The following PHACTR1 variants were observed in gnomAD, a reference collection of about 807,000 sequenced individuals.
PHACTR1 encodes phosphatase and actin regulator 1, also known as RPEL repeat containing 1.
PHACTR1 carries 16 observed loss-of-function variants against 69.2 expected under a neutral mutation model. The ratio of observed to expected loss-of-function variants is 0.23; its 90% CI spans 0.16 to 0.35. The LOEUF (loss-of-function observed/expected upper bound fraction) is 0.35. PHACTR1 is among the 10% of genes least tolerant of loss of function. PHACTR1 has a pLI of 1.00. For synonymous variants in PHACTR1, 312 were observed against 284.5 expected (o/e 1.10, Z -0.97); for missense variants, 510 against 734.7 (o/e 0.69, Z 3.54).
chr6:12,749,052 C>T (rs1485233806), intron 3 of PHACTR1, among the ~76,000 whole-genome samples: 1 of 152,232 alleles, frequency 6.6e-6, no homozygotes, highest in Non-Finnish European at 1.5e-5. Context: ...GCACAATGCC[C>T]TCCTCCATGA....
At chr6:13,217,662 G>A (rs1767893502) in intron 8 of PHACTR1, among the ~76,000 whole-genome samples, 2 of 152,004 alleles carry the variant, frequency 1.3e-5, no homozygotes, top group Non-Finnish European at 2.9e-5. Flanking sequence ...GGAAGGCTCA[G>A]TACCCTCGTC....
intron 7 of PHACTR1, among the ~76,000 whole-genome samples, chr6:13,190,023 C>CTTTT (rs56040224): frequency 8.1e-6 from 1 of 123,840 alleles, no homozygotes; most frequent in Non-Finnish European, 1.6e-5. Flanking sequence ...ATCTCTTCTG[C>CTTTT]TTTTTTTTTT....
intron 8 of PHACTR1, among the ~76,000 whole-genome samples, chr6:13,221,222 C>G (rs1768559911): frequency 6.6e-6 from 1 of 152,040 alleles, no homozygotes; most frequent in Non-Finnish European, 1.5e-5. Flanking sequence ...GGCAAGTGGT[C>G]TGATATGGCT....
chr6:13,008,065 T>C (rs1799020337), intron 4 of PHACTR1, among the ~76,000 whole-genome samples: 1 of 152,214 alleles, frequency 6.6e-6, no homozygotes, highest in South Asian at 2.1e-4. Flanking sequence ...ATGTTTCAAC[T>C]AGATTGTTTT....
intron 5 of PHACTR1, among the ~76,000 whole-genome samples, chr6:13,119,016 C>T (rs1488158323): frequency 6.6e-6 from 1 of 152,180 alleles, no homozygotes; most frequent in African/African-American, 2.4e-5. Context: ...AGACCCTGAA[C>T]AAAGGTTTCA....
intron 10 of PHACTR1, among the ~76,000 whole-genome samples, chr6:13,261,889 GGAAGGAACCAA>G (rs926945739): frequency 1.3e-5 from 2 of 152,178 alleles, no homozygotes; most frequent in African/African-American, 4.8e-5. Context: ...ATGCAAATCT[GGAAGGAACCAA>G]GAAGAGATCA....
chr6:12,879,362 CT>C (rs141911839), intron 4 of PHACTR1, among the ~76,000 whole-genome samples: 1,558 of 152,304 alleles, frequency 0.01, 33 homozygotes, highest in African/African-American at 0.036. Context: ...GACCACTCAA[CT>C]CTTTTAAATG....
At chr6:12,819,617 G>A (rs1332744048) in intron 4 of PHACTR1, among the ~76,000 whole-genome samples, 1 of 152,174 alleles carries the variant, frequency 6.6e-6, no homozygotes, top group African/African-American at 2.4e-5. Flanking sequence ...ATCCCAAGAA[G>A]TGTTGTTCTG....
intron 8 of PHACTR1, among the ~76,000 whole-genome samples, chr6:13,212,200 T>C (rs541304762): frequency 3.3e-5 from 5 of 152,280 alleles, no homozygotes; most frequent in African/African-American, 1.2e-4. Context: ...TACTTCCAAA[T>C]ACAGTCACAT....
intron 3 of PHACTR1, among the ~76,000 whole-genome samples, chr6:12,730,635 T>C (rs1256636398): frequency 6.6e-6 from 1 of 152,222 alleles, no homozygotes; most frequent in East Asian, 1.9e-4. Context: ...GGGATACATG[T>C]GCAGGTTTGT....
chr6:13,069,723 C>G (rs1214678889), intron 5 of PHACTR1, among the ~76,000 whole-genome samples: 3 of 152,142 alleles, frequency 2.0e-5, no homozygotes, highest in Non-Finnish European at 4.4e-5. Context: ...TTGACTGCAG[C>G]AGGAGCAATC....
At chr6:13,128,038 C>T (rs1288097973) in intron 5 of PHACTR1, among the ~76,000 whole-genome samples, 2 of 149,920 alleles carry the variant, frequency 1.3e-5, no homozygotes, top group South Asian at 2.1e-4. Context: ...AGGAAAAGCC[C>T]CTTAAAAAAC....
At chr6:12,863,639 G>C (rs773975730) in intron 4 of PHACTR1, among the ~76,000 whole-genome samples, 1 of 152,214 alleles carries the variant, frequency 6.6e-6, no homozygotes, top group African/African-American at 2.4e-5. Context: ...GTCCTGGGAG[G>C]ACATTCTCAG....
At chr6:13,059,600 A>G (rs1366197473) in intron 5 of PHACTR1, among the ~76,000 whole-genome samples, 1 of 152,166 alleles carries the variant, frequency 6.6e-6, no homozygotes, top group Non-Finnish European at 1.5e-5. Flanking sequence ...AAACTCATCT[A>G]CTTGTATATT....
intron 11 of PHACTR1, among the ~76,000 whole-genome samples, chr6:13,277,538 A>G (rs572260062): frequency 2.6e-5 from 4 of 152,248 alleles, no homozygotes; most frequent in Admixed American, 2.6e-4. Flanking sequence ...CTATACCACA[A>G]TGAGCCTCCT....
At chr6:12,824,173 C>T (rs897439038) in intron 4 of PHACTR1, among the ~76,000 whole-genome samples, 7 of 152,166 alleles carry the variant, frequency 4.6e-5, no homozygotes, top group African/African-American at 1.4e-4. Context: ...GTGGAAGGCA[C>T]AGGCAAGGGA....
intron 3 of PHACTR1, among the ~76,000 whole-genome samples, chr6:12,730,900 C>T (rs1253946899): frequency 6.6e-6 from 1 of 152,154 alleles, no homozygotes; most frequent in Non-Finnish European, 1.5e-5. Context: ...CTAGCTCCAT[C>T]TATGTCCTTG....
intron 4 of PHACTR1, among the ~76,000 whole-genome samples, chr6:12,815,120 C>T (rs942724221): frequency 1.3e-5 from 2 of 152,120 alleles, no homozygotes; most frequent in Non-Finnish European, 2.9e-5. Flanking sequence ...TAGAAACACC[C>T]CCATGCCATA....
rs1582335717 is a variant in PHACTR1 at position 12,893,837 on chromosome 6, A to G, written c.250+144047A>G. Among the ~76,000 whole-genome samples, 4 of 152,324 alleles carry G rather than the reference A, an allele frequency of 2.6e-5. No homozygotes were observed. The South Asian group carries it at 8.3e-4, about 32-fold the overall frequency. On this transcript the variant is annotated intron_variant, in intron 4 of 14. Coordinates refer to ENST00000332995, the MANE Select transcript of PHACTR1 (RefSeq NM_030948.6). ...TAAGTCAAGTGTCACATGGGCTTCC[A>G]TATTTAGCAAAGCAGCCCTGTTGCT... is the stretch of plus-strand genomic sequence containing the variant.
Sources: gnomAD v4.1 joint callset for allele counts (sites outside exome capture counted in the v4.1 genomes callset) on GRCh38, gnomAD v4.1.1 for gene constraint, MANE v1.5 for transcripts, NCBI Gene and HGNC (gene_info 2026-07-23, HGNC 2026-07-21) for gene names.